Variants in NALF1 observed in about 807,000 individuals in gnomAD.
NALF1 encodes family with sequence similarity 155 member A.
In NALF1, 3 loss-of-function variants were observed where a neutral mutation model predicts 48.4. The ratio of observed to expected loss-of-function variants is 0.06; its 90% CI spans 0.03 to 0.16. NALF1 has a LOEUF of 0.16. Among genes scored for constraint, NALF1 ranks in the 10% least tolerant of loss-of-function variants. The pLI is 1.00. For synonymous variants in NALF1, 262 were observed against 245.7 expected (o/e 1.07, Z -0.62); for missense variants, 526 against 571.5 (o/e 0.92, Z 0.81).
At chr13:107,378,361 T>C (rs1883375521) in intron 1 of NALF1, among the ~76,000 whole-genome samples, 1 of 151,526 alleles carries the variant, frequency 6.6e-6, no homozygotes, top group African/African-American at 2.4e-5. Flanking sequence ...TACAATGTAA[T>C]TGATTTTTAG....
chr13:107,280,728 T>G (rs577268751), intron 1 of NALF1, among the ~76,000 whole-genome samples: 25 of 152,314 alleles, frequency 1.6e-4, no homozygotes, highest in Non-Finnish European at 2.8e-4. Context: ...TTGTGACCAG[T>G]CAGCTCTAAT....
chr13:107,356,319 A>C (rs1882963190), intron 1 of NALF1, among the ~76,000 whole-genome samples: 2 of 152,232 alleles, frequency 1.3e-5, no homozygotes, highest in South Asian at 4.1e-4. Flanking sequence ...TAAATCTACA[A>C]CAACATAAGG....
At chr13:107,765,432 T>G (rs16971062) in intron 1 of NALF1, among the ~76,000 whole-genome samples, 11,667 of 152,222 alleles carry the variant, frequency 0.077, 520 homozygotes, top group African/African-American at 0.1. Flanking sequence ...GACAATATTA[T>G]AGAGTTATAT....
At chr13:107,403,476 G>C (rs1177802588) in intron 1 of NALF1, among the ~76,000 whole-genome samples, 2 of 151,414 alleles carry the variant, frequency 1.3e-5, no homozygotes, top group Non-Finnish European at 2.9e-5. Context: ...TAGATTTTCA[G>C]ACTATTCCAT....
intron 1 of NALF1, among the ~76,000 whole-genome samples, chr13:107,850,078 CTTAG>C (rs1685715582): frequency 1.3e-5 from 2 of 152,042 alleles, no homozygotes; most frequent in Non-Finnish European, 2.9e-5. Flanking sequence ...GTTAAAATGC[CTTAG>C]TTAAGAATGC....
intron 1 of NALF1, among the ~76,000 whole-genome samples, chr13:107,339,237 T>C (rs1172715346): frequency 6.6e-6 from 1 of 151,868 alleles, no homozygotes; most frequent in Non-Finnish European, 1.5e-5. Context: ...AACCTTTATC[T>C]TCTTCTTATT....
chr13:107,326,436 G>GACATTGTAAT (rs977233085), intron 1 of NALF1, among the ~76,000 whole-genome samples: 8 of 152,096 alleles, frequency 5.3e-5, no homozygotes, highest in Non-Finnish European at 1.0e-4. Flanking sequence ...CTCCATGCAA[G>GACATTGTAAT]ACATTGTAAT....
intron 1 of NALF1, among the ~76,000 whole-genome samples, chr13:107,745,879 A>C (rs1163283711): frequency 6.6e-6 from 1 of 152,196 alleles, no homozygotes; most frequent in Non-Finnish European, 1.5e-5. Flanking sequence ...AATACAACAA[A>C]ACAAAATCAG....
chr13:107,352,890 C>A (rs1882901543), intron 1 of NALF1, among the ~76,000 whole-genome samples: 1 of 152,120 alleles, frequency 6.6e-6, no homozygotes. Context: ...AGACTTCTTC[C>A]CTAGGAATCT....
At chr13:107,560,819 T>C (rs1877624097) in intron 1 of NALF1, among the ~76,000 whole-genome samples, 1 of 152,202 alleles carries the variant, frequency 6.6e-6, no homozygotes, top group South Asian at 2.1e-4. Flanking sequence ...AAAAAGATTG[T>C]TTGAAAGTCT....
intron 1 of NALF1, among the ~76,000 whole-genome samples, chr13:107,852,432 T>C (rs1211603608): frequency 6.6e-6 from 1 of 152,266 alleles, no homozygotes; most frequent in Non-Finnish European, 1.5e-5. Flanking sequence ...TCTACTATGC[T>C]TCTTTTTCCA....
At chr13:107,613,300 G>A (rs1192559528) in intron 1 of NALF1, among the ~76,000 whole-genome samples, 1 of 152,120 alleles carries the variant, frequency 6.6e-6, no homozygotes, top group Non-Finnish European at 1.5e-5. Flanking sequence ...TCTTACTACT[G>A]AAAACATTAC....
At chr13:107,233,594 A>G (rs1880274767) in intron 1 of NALF1, among the ~76,000 whole-genome samples, 1 of 152,186 alleles carries the variant, frequency 6.6e-6, no homozygotes, top group African/African-American at 2.4e-5. Context: ...AATTGCAGCC[A>G]AGATTTTGGG....
chr13:107,593,528 C>A (rs1307214080), intron 1 of NALF1, among the ~76,000 whole-genome samples: 1 of 151,846 alleles, frequency 6.6e-6, no homozygotes, highest in Admixed American at 6.6e-5. Flanking sequence ...GATTATACCC[C>A]TAAATGAACA....
chr13:107,511,141 C>T (rs1385082925), intron 1 of NALF1, among the ~76,000 whole-genome samples: 1 of 152,116 alleles, frequency 6.6e-6, no homozygotes, highest in Non-Finnish European at 1.5e-5. Flanking sequence ...ACAGTGACAC[C>T]GGATGGAGGG....
chr13:107,780,030 CTTT>C (rs35078173), intron 1 of NALF1, among the ~76,000 whole-genome samples: 2 of 134,066 alleles, frequency 1.5e-5, no homozygotes, highest in Admixed American at 1.5e-4. Flanking sequence ...CCAAGACATA[CTTT>C]TTTTTTTTTT....
At chr13:107,412,095 C>A (rs759950853) in intron 1 of NALF1, among the ~76,000 whole-genome samples, 1 of 152,118 alleles carries the variant, frequency 6.6e-6, no homozygotes, top group Non-Finnish European at 1.5e-5. Flanking sequence ...ATCCTCACAG[C>A]GAAATGAGCT....
chr13:107,409,373 C>A (rs1415002567), intron 1 of NALF1, among the ~76,000 whole-genome samples: 1 of 152,160 alleles, frequency 6.6e-6, no homozygotes, highest in East Asian at 1.9e-4. Flanking sequence ...TGCAGAATTG[C>A]AAACTGTGAG....
chr13:107,420,477 T>C (rs1183721073), intron 1 of NALF1, among the ~76,000 whole-genome samples: 1 of 152,114 alleles, frequency 6.6e-6, no homozygotes, highest in African/African-American at 2.4e-5. Flanking sequence ...TCTCTCTAAC[T>C]GGCAAAAATT....
Sources: allele counts gnomAD v4.1 joint callset (sites outside exome capture counted in the v4.1 genomes callset), GRCh38; gene constraint gnomAD v4.1.1; transcripts MANE v1.5; gene names NCBI Gene and HGNC (gene_info 2026-07-23, HGNC 2026-07-21).